SH2D4A: variants seen among roughly 807,000 people sequenced by gnomAD.
SH2D4A encodes the protein SH2 domain-containing protein 4A.
SH2D4A carries 70 observed loss-of-function variants against 64.7 expected under a neutral mutation model. The observed-to-expected ratio is 1.08, with a 90% CI of 0.89 to 1.32. SH2D4A has a LOEUF of 1.32. Among genes scored for constraint, SH2D4A ranks in the 40% most tolerant of loss-of-function variants. The pLI, the probability that SH2D4A is intolerant of heterozygous loss-of-function variation, is 0.00. For missense variants in SH2D4A, 706 were observed against 540.1 expected, an observed-to-expected ratio of 1.31 and a Z score of -3.04; for synonymous variants, 268 against 200.7, an observed-to-expected ratio of 1.34 and a Z score of -2.83.
chr8:19,364,009 C>G (rs2052939595), intron 6 of SH2D4A, 63 bp from the exon 7 acceptor site: 1 of 1,527,912 alleles, frequency 6.5e-7, no homozygotes, highest in East Asian at 2.3e-5. Flanking sequence ...GCAATGAATG[C>G]TGAGCCTTCT....
chr8:19,338,515 G>A (rs1247782116), intron 4 of SH2D4A, among the ~76,000 whole-genome samples: 1 of 152,184 alleles, frequency 6.6e-6, no homozygotes, highest in Non-Finnish European at 1.5e-5. Context: ...TTAAAGCAGA[G>A]ACTCTTTCCT....
chr8:19,323,321 CT>C (rs1474308623), intron 2 of SH2D4A, among the ~76,000 whole-genome samples: 2 of 151,758 alleles, frequency 1.3e-5, no homozygotes, highest in East Asian at 3.9e-4. Context: ...ATATATGGAA[CT>C]GATGATATTT....
chr8:19,316,696 G>T (rs1167654561), intron 1 of SH2D4A, among the ~76,000 whole-genome samples: 1 of 152,162 alleles, frequency 6.6e-6, no homozygotes, highest in East Asian at 1.9e-4. Context: ...TTCATACATG[G>T]CACCACATCC....
At position 19,361,320 on chromosome 8, in the gene SH2D4A, T is replaced by C; in HGVS notation, c.706+6T>C. ...CTCGGAATGGCAGGCATCTCGTGAG[T>C]ACCCAGAGGTCTCCATAGCACCTTC... is the stretch of plus-strand genomic sequence containing the variant. On this transcript the variant is annotated splice_donor_region_variant and intron_variant, in intron 6 of 9. Transcript: ENST00000265807. 6.2e-7 allele frequency: 1 copy of C among 1,601,914 alleles called. No individual in the cohort carries two copies. The highest frequency in any genetic ancestry group is 8.5e-7 in the Non-Finnish European group (1 of 1,176,744).
chr8:19,386,722 C>G (rs1271960192), intron 8 of SH2D4A, among the ~76,000 whole-genome samples: 1 of 152,156 alleles, frequency 6.6e-6, no homozygotes, highest in Non-Finnish European at 1.5e-5. Flanking sequence ...AAAAGGGGTT[C>G]TACTGTTTAA....
chr8:19,316,079 C>T (rs944784453), intron 1 of SH2D4A, among the ~76,000 whole-genome samples: 1 of 151,968 alleles, frequency 6.6e-6, no homozygotes, highest in South Asian at 2.1e-4. Context: ...TCTGAGAAAG[C>T]CTTGGAGCGG....
intron 8 of SH2D4A, among the ~76,000 whole-genome samples, chr8:19,387,487 G>A (rs967275019): frequency 4.6e-5 from 7 of 152,226 alleles, no homozygotes; most frequent in South Asian, 4.1e-4. Context: ...TGATCCTCCC[G>A]CGTCAGCCTC....
intron 4 of SH2D4A, among the ~76,000 whole-genome samples, chr8:19,343,123 C>G (rs148226550): frequency 5.3e-5 from 8 of 152,274 alleles, no homozygotes; most frequent in Non-Finnish European, 8.8e-5. Flanking sequence ...GTTTTCTCAT[C>G]TATCAAAAGT....
intron 8 of SH2D4A, among the ~76,000 whole-genome samples, chr8:19,390,323 G>A (rs1414551794): frequency 1.3e-5 from 2 of 152,158 alleles, no homozygotes; most frequent in Admixed American, 6.5e-5. Context: ...AGAAGTTGCA[G>A]TGAGCCGAGA....
intron 8 of SH2D4A, among the ~76,000 whole-genome samples, chr8:19,385,668 G>A (rs1412564292): frequency 6.6e-6 from 1 of 152,074 alleles, no homozygotes. Context: ...TTCTACTCCT[G>A]ACAGTTTGTC....
intron 4 of SH2D4A, among the ~76,000 whole-genome samples, chr8:19,349,203 A>C (rs1008875570): frequency 6.6e-6 from 1 of 152,208 alleles, no homozygotes; most frequent in Non-Finnish European, 1.5e-5. Context: ...AATTGTGCAT[A>C]TCTTATTAAT....
At chr8:19,331,697 T>C (rs768198323) in intron 2 of SH2D4A, among the ~76,000 whole-genome samples, 11 of 152,222 alleles carry the variant, frequency 7.2e-5, no homozygotes, top group Non-Finnish European at 1.2e-4. Flanking sequence ...GCAGTTAACC[T>C]CTATTGAACT....
intron 2 of SH2D4A, among the ~76,000 whole-genome samples, chr8:19,331,411 G>C (rs180716249): frequency 1.8e-4 from 28 of 152,276 alleles, no homozygotes; most frequent in Non-Finnish European, 3.1e-4. Flanking sequence ...GTCCACCTTT[G>C]GCCCACAGTT....
chr8:19,331,132 CAAG>C (rs559868033), intron 2 of SH2D4A, among the ~76,000 whole-genome samples: 6 of 152,220 alleles, frequency 3.9e-5, no homozygotes, highest in African/African-American at 1.4e-4. Flanking sequence ...TCCACTGTAC[CAAG>C]AAGGGTAGAA....
intron 4 of SH2D4A, among the ~76,000 whole-genome samples, chr8:19,352,596 G>C (rs929314222): frequency 1.3e-5 from 2 of 152,238 alleles, no homozygotes; most frequent in Non-Finnish European, 1.5e-5. Flanking sequence ...GATGATGACC[G>C]TAGTGGCTGT....
intron 2 of SH2D4A, among the ~76,000 whole-genome samples, chr8:19,325,126 G>A (rs1311945937): frequency 1.3e-5 from 2 of 152,056 alleles, no homozygotes; most frequent in African/African-American, 4.8e-5. Context: ...ATGATGATGG[G>A]TGGTATTGCT....
At chr8:19,337,749 A>G (rs145166372) in intron 4 of SH2D4A, among the ~76,000 whole-genome samples, 38 of 152,312 alleles carry the variant, frequency 2.5e-4, no homozygotes, top group Middle Eastern at 3.4e-3. Context: ...TAAAACCATC[A>G]GATCTCATGA....
intron 4 of SH2D4A, among the ~76,000 whole-genome samples, chr8:19,347,879 C>A (rs1025356494): frequency 6.6e-6 from 1 of 152,190 alleles, no homozygotes; most frequent in African/African-American, 2.4e-5. Context: ...CTCTCCACCT[C>A]CACCACACAG....
At chr8:19,372,650 A>G (rs539102357) in intron 7 of SH2D4A, among the ~76,000 whole-genome samples, 108 of 152,328 alleles carry the variant, frequency 7.1e-4, no homozygotes, top group Middle Eastern at 6.8e-3. Flanking sequence ...AATTCTGCTC[A>G]AAATTAGTAC....
Sources: gnomAD v4.1 joint callset for allele counts (sites outside exome capture counted in the v4.1 genomes callset) on GRCh38, gnomAD v4.1.1 for gene constraint, MANE v1.5 for transcripts, NCBI Gene and HGNC (gene_info 2026-07-23, HGNC 2026-07-21) for gene names.